THADA: variants seen among roughly 807,000 people sequenced by gnomAD.
THADA encodes THADA armadillo repeat containing, also known as tRNA (32-2'-O)-methyltransferase regulator THADA.
A neutral mutation model predicts 219.8 loss-of-function variants in THADA; 213 were observed. The observed-to-expected ratio is 0.97, with a 90% CI of 0.87 to 1.09. The LOEUF is 1.09. THADA is among the 50% of genes least tolerant of loss of function. The pLI is 0.00. For missense variants in THADA, 2,956 were observed against 2,311.3 expected, an observed-to-expected ratio of 1.28 and a Z score of -5.72; for synonymous variants, 1,018 against 828.9, an observed-to-expected ratio of 1.23 and a Z score of -3.92.
intron 24 of THADA, among the ~76,000 whole-genome samples, chr2:43,502,333 C>A (rs111753823): frequency 0.083 from 12,622 of 151,846 alleles, 584 homozygotes; most frequent in South Asian, 0.13. Flanking sequence ...GCCGGTAATC[C>A]CAGCACTTTG....
intron 35 of THADA, 138 bp downstream of exon 35, chr2:43,286,770 A>C: frequency 1.0e-6 from 1 of 976,902 alleles, no homozygotes; most frequent in South Asian, 1.8e-5. Flanking sequence ...GCATGAACTA[A>C]GACGGTAGGA....
At chr2:43,273,959 G>A (rs1672429992) in intron 36 of THADA, among the ~76,000 whole-genome samples, 1 of 152,092 alleles carries the variant, frequency 6.6e-6, no homozygotes, top group Admixed American at 6.5e-5. Flanking sequence ...TGGCTGCTTG[G>A]ACTCAACCTC....
chr2:43,527,825 A>G, intron 22 of THADA, 54 bp downstream of exon 22: 1 of 1,261,708 alleles, frequency 7.9e-7, no homozygotes, highest in Non-Finnish European at 1.1e-6. Context: ...CTCCAAGCAT[A>G]TGCTTTGTAT....
At chr2:43,369,328 T>C (rs1426060209) in intron 29 of THADA, among the ~76,000 whole-genome samples, 1 of 152,212 alleles carries the variant, frequency 6.6e-6, no homozygotes, top group Non-Finnish European at 1.5e-5. Flanking sequence ...GAACAAGTGA[T>C]AAAATGAAAT....
At chr2:43,456,570 TTA>T (rs1218323109) in intron 26 of THADA, among the ~76,000 whole-genome samples, 1 of 152,098 alleles carries the variant, frequency 6.6e-6, no homozygotes, top group Non-Finnish European at 1.5e-5. Context: ...CTTTTTTTTT[TTA>T]AGCAGAGTCT....
chr2:43,546,772 A>G (rs12467515), intron 20 of THADA, among the ~76,000 whole-genome samples: 95,297 of 151,636 alleles, frequency 0.63, 31,722 homozygotes, highest in African/African-American at 0.84. Context: ...GTCTCTGCAC[A>G]TGAGATGGGT....
intron 29 of THADA, among the ~76,000 whole-genome samples, chr2:43,365,013 G>A (rs1037991132): frequency 6.7e-6 from 1 of 149,916 alleles, no homozygotes; most frequent in Non-Finnish European, 1.5e-5. Flanking sequence ...GCTGGAGTGC[G>A]GTGGCATGAT....
chr2:43,346,689 A>T lies in THADA; in HGVS notation c.4228-2452T>A, dbSNP rs144793412. ...CATTGTCAACAAATATTTATTAAAC[A>T]ACTCTTATTACCAGGCACTGTCCAA... is the stretch of plus-strand genomic sequence containing the variant. On this transcript the variant is annotated intron_variant, in intron 29 of 37. Transcript: ENST00000405975. 5.4e-3 allele frequency among the ~76,000 whole-genome samples: 817 copies of T among 152,340 alleles called. 5 individuals are homozygous for T. Among genetic ancestry groups the T allele is most frequent in the Middle Eastern group, 0.01 (3 of 294 alleles).
intron 31 of THADA, among the ~76,000 whole-genome samples, chr2:43,304,428 A>G (rs1676609479): frequency 6.6e-6 from 1 of 152,168 alleles, no homozygotes. Flanking sequence ...TGTCACTTAT[A>G]AGTGCAAATG....
chr2:43,410,736 G>C (rs1357821262), intron 28 of THADA, among the ~76,000 whole-genome samples: 1 of 152,086 alleles, frequency 6.6e-6, no homozygotes, highest in African/African-American at 2.4e-5. Context: ...AGGTGGGGGA[G>C]GGGAGGTTGG....
At chr2:43,503,598 A>G (rs774750691) in intron 24 of THADA, among the ~76,000 whole-genome samples, 25 of 152,182 alleles carry the variant, frequency 1.6e-4, no homozygotes, top group Non-Finnish European at 1.6e-4. Flanking sequence ...GTAATGTTTA[A>G]TTTTTTAAAC....
chr2:43,429,436 A>G (rs1278738973), intron 27 of THADA, among the ~76,000 whole-genome samples: 1 of 152,120 alleles, frequency 6.6e-6, no homozygotes, highest in Non-Finnish European at 1.5e-5. Flanking sequence ...ATGGTGAACT[A>G]TAAGACTGGA....
chr2:43,238,161 AGAAG>A (rs1307145385), intron 36 of THADA, among the ~76,000 whole-genome samples: 2 of 147,200 alleles, frequency 1.4e-5, no homozygotes, highest in Non-Finnish European at 3.0e-5. Context: ...AAGGAAGGAA[AGAAG>A]GAAGGGAGGG....
intron 21 of THADA, among the ~76,000 whole-genome samples, chr2:43,531,991 GT>G (rs1189560445): frequency 2.0e-5 from 3 of 148,956 alleles, no homozygotes; most frequent in African/African-American, 7.4e-5. Context: ...TTTGGTGTGT[GT>G]TTTTTTTTAA....
At chr2:43,525,051 T>A (rs1013825025) in intron 22 of THADA, among the ~76,000 whole-genome samples, 1 of 152,212 alleles carries the variant, frequency 6.6e-6, no homozygotes, top group East Asian at 1.9e-4. Flanking sequence ...ATCTCTAACA[T>A]CTGACTTAAG....
At chr2:43,430,379 G>A in intron 26 of THADA, 77 bp from the exon 27 acceptor site, 4 of 744,172 alleles carry the variant, frequency 5.4e-6, no homozygotes, top group South Asian at 2.1e-5. Flanking sequence ...TTTAAAAAAA[G>A]GAAGATAAGT....
chr2:43,304,203 T>C (rs1229233675), intron 31 of THADA, among the ~76,000 whole-genome samples: 1 of 151,850 alleles, frequency 6.6e-6, no homozygotes, highest in Non-Finnish European at 1.5e-5. Flanking sequence ...TGTGCCAAAA[T>C]AAAAAGGGCA....
At chr2:43,416,560 A>G (rs1473608964) in intron 28 of THADA, among the ~76,000 whole-genome samples, 1 of 152,196 alleles carries the variant, frequency 6.6e-6, no homozygotes, top group African/African-American at 2.4e-5. Flanking sequence ...GTTTTCAACT[A>G]AAGTAGACAA....
intron 20 of THADA, among the ~76,000 whole-genome samples, chr2:43,546,131 A>C (rs935060038): frequency 6.7e-6 from 1 of 149,930 alleles, no homozygotes; most frequent in Non-Finnish European, 1.5e-5. Context: ...TTCGTTATGT[A>C]CCCAGTAGTC....
Sources: allele counts gnomAD v4.1 joint callset (sites outside exome capture counted in the v4.1 genomes callset), GRCh38; gene constraint gnomAD v4.1.1; transcripts MANE v1.5; gene names NCBI Gene and HGNC (gene_info 2026-07-23, HGNC 2026-07-21).